The following TPD52 variants were observed in gnomAD, a reference collection of about 807,000 sequenced individuals.
TPD52 encodes tumor protein D52.
Under a neutral mutation model 31.3 loss-of-function variants are expected in TPD52, and 17 were observed. The observed-to-expected ratio is 0.54, with a 90% CI of 0.37 to 0.82. The LOEUF (loss-of-function observed/expected upper bound fraction) is 0.82, where lower values mean the gene tolerates loss of function less well. Ranked by LOEUF, TPD52 falls within the 40% of genes least tolerant of loss-of-function variation. TPD52 has a pLI of 0.00. For missense variants in TPD52, 212 were observed against 240.1 expected (o/e 0.88, Z 0.77); for synonymous variants, 83 against 89.6 (o/e 0.93, Z 0.42).
In TPD52 at chr8:80,051,506, CA is replaced by C; in HGVS notation, c.386+20del. On this transcript the variant is annotated intron_variant, in intron 4 of 7. Coordinates refer to ENST00000518937, the MANE Select transcript of TPD52 (RefSeq NM_001025253.3). Reference sequence around the variant, plus strand: ...TAATTTGCGTCAGCTACTTAATGAGCAAGGAAAAATGAGGACATACTTTACA... The same window carrying C: ...TAATTTGCGTCAGCTACTTAATGAGCAGGAAAAATGAGGACATACTTTACA... The C allele has an allele frequency of 1.2e-6, 2 of 1,607,678 alleles. No homozygotes were observed. The highest frequency in any genetic ancestry group is 1.7e-6 in the Non-Finnish European group (2 of 1,174,572).
At chr8:80,080,996 A>G (rs1815212214) in intron 1 of TPD52, among the ~76,000 whole-genome samples, 1 of 152,172 alleles carries the variant, frequency 6.6e-6, no homozygotes, top group South Asian at 2.1e-4. Flanking sequence ...TCCACCCTGG[A>G]TTACAGTAAA....
At chr8:80,106,913 G>A (rs1004822168) in intron 1 of TPD52, among the ~76,000 whole-genome samples, 10 of 150,424 alleles carry the variant, frequency 6.6e-5, no homozygotes, top group Non-Finnish European at 1.5e-4. Context: ...GGGCAGTGGC[G>A]TGATCTCAGC....
At chr8:80,077,274 CAA>C (rs368480127) in intron 1 of TPD52, among the ~76,000 whole-genome samples, 9,278 of 116,302 alleles carry the variant, frequency 0.08, 530 homozygotes, top group East Asian at 0.3. Flanking sequence ...GACTCTGTCT[CAA>C]AAAAAAAAAA....
chr8:80,137,026 C>T (rs1809482593), intron 1 of TPD52, among the ~76,000 whole-genome samples: 1 of 152,148 alleles, frequency 6.6e-6, no homozygotes, highest in Admixed American at 6.6e-5. Flanking sequence ...TCAATCTTTT[C>T]CAATTTTTTT....
intron 1 of TPD52, among the ~76,000 whole-genome samples, chr8:80,081,915 T>C (rs1218155955): frequency 6.6e-6 from 1 of 152,178 alleles, no homozygotes; most frequent in Non-Finnish European, 1.5e-5. Flanking sequence ...GTGATTCTCC[T>C]GCCTCAGCCT....
chr8:80,044,334 C>T, intron 5 of TPD52, 126 bp from the exon 6 acceptor site: 1 of 712,610 alleles, frequency 1.4e-6, no homozygotes, highest in Non-Finnish European at 2.3e-6. Context: ...GAATTACCTA[C>T]TTTTTGAGGT....
At chr8:80,059,660 T>C (rs1044312299) in intron 2 of TPD52, among the ~76,000 whole-genome samples, 1 of 151,876 alleles carries the variant, frequency 6.6e-6, no homozygotes, top group Non-Finnish European at 1.5e-5. Context: ...TGGAGACCAG[T>C]CATGCCAACA....
intron 1 of TPD52, among the ~76,000 whole-genome samples, chr8:80,121,960 C>CATT (rs3053826): frequency 0.65 from 97,633 of 150,660 alleles, 33,275 homozygotes; most frequent in African/African-American, 0.87. Flanking sequence ...TTATGTTTAT[C>CATT]ATTATTTCTA....
At chr8:80,096,003 C>T (rs138287104) in intron 1 of TPD52, among the ~76,000 whole-genome samples, 2 of 152,092 alleles carry the variant, frequency 1.3e-5, no homozygotes, top group African/African-American at 4.8e-5. Flanking sequence ...CGCCTCCAAG[C>T]CCAACACTTT....
intron 1 of TPD52, among the ~76,000 whole-genome samples, chr8:80,079,637 C>A (rs1044834286): frequency 6.6e-6 from 1 of 152,084 alleles, no homozygotes; most frequent in Admixed American, 6.6e-5. Context: ...TAACCAGTTC[C>A]CAGCATTGGC....
At chr8:80,080,176 C>T in intron 1 of TPD52, 2 of 663,358 alleles carry the variant, frequency 3.0e-6, no homozygotes, top group Non-Finnish European at 5.2e-6. Context: ...TACTTTGAAT[C>T]TAGAATAGCT....
intron 1 of TPD52, among the ~76,000 whole-genome samples, chr8:80,168,113 T>C (rs1481670886): frequency 6.6e-6 from 1 of 152,254 alleles, no homozygotes; most frequent in Admixed American, 6.5e-5. Context: ...AATCATTTGA[T>C]GTTCACTGAA....
At chr8:80,120,363 T>C (rs1808175364) in intron 1 of TPD52, among the ~76,000 whole-genome samples, 1 of 151,850 alleles carries the variant, frequency 6.6e-6, no homozygotes, top group Non-Finnish European at 1.5e-5. Flanking sequence ...GTGGTTCACG[T>C]CTGTAATCCC....
At chr8:80,115,085 T>C (rs1807771603) in intron 1 of TPD52, among the ~76,000 whole-genome samples, 1 of 152,218 alleles carries the variant, frequency 6.6e-6, no homozygotes, top group Non-Finnish European at 1.5e-5. Context: ...ATAATGCTCC[T>C]TTTGTTTTTT....
At chr8:80,163,364 A>G (rs1811488881) in intron 1 of TPD52, among the ~76,000 whole-genome samples, 1 of 152,200 alleles carries the variant, frequency 6.6e-6, no homozygotes. Context: ...TAAGCATCAC[A>G]AGAAGACAAA....
intron 5 of TPD52, among the ~76,000 whole-genome samples, chr8:80,045,899 G>A (rs77447659): frequency 0.013 from 1,972 of 152,216 alleles, 57 homozygotes; most frequent in African/African-American, 0.043. Flanking sequence ...GGCAGAAATC[G>A]CTGAAAAAGA....
intron 1 of TPD52, among the ~76,000 whole-genome samples, chr8:80,137,202 G>A (rs1365191): frequency 0.47 from 70,673 of 151,720 alleles, 16,700 homozygotes; most frequent in East Asian, 0.78. Context: ...TTTGCCTGCG[G>A]GCACGGGATG....
intron 1 of TPD52, among the ~76,000 whole-genome samples, chr8:80,152,875 A>G (rs1228765574): frequency 6.6e-6 from 1 of 151,952 alleles, no homozygotes; most frequent in East Asian, 1.9e-4. Context: ...CCTATGTGGC[A>G]AGTAAATGCT....
chr8:80,078,962 G>A (rs569438220), intron 1 of TPD52, among the ~76,000 whole-genome samples: 1 of 152,130 alleles, frequency 6.6e-6, no homozygotes, highest in African/African-American at 2.4e-5. Context: ...GAAGCAAGCA[G>A]TGTCAATCTT....
Sources: allele counts gnomAD v4.1 joint callset (sites outside exome capture counted in the v4.1 genomes callset), GRCh38; gene constraint gnomAD v4.1.1; transcripts MANE v1.5; gene names NCBI Gene and HGNC (gene_info 2026-07-23, HGNC 2026-07-21).